The following CDON variants were observed in gnomAD, a reference collection of about 807,000 sequenced individuals.
CDON encodes the protein cell adhesion associated, oncogene regulated.
Under a neutral mutation model 120.9 loss-of-function variants are expected in CDON, and 73 were observed. That is an observed-to-expected ratio of 0.60 (90% CI 0.50 to 0.73). The LOEUF is 0.73. CDON is among the 30% of genes least tolerant of loss of function. The probability of loss-of-function intolerance (pLI) is 0.00; values close to 1 mark genes in which losing one functional copy is unlikely to be tolerated. For synonymous variants in CDON, 566 were observed against 573.5 expected (o/e 0.99, Z 0.19); for missense variants, 1,470 against 1,587.3 (o/e 0.93, Z 1.26).
At chr11:125,972,752 A>G (rs1946038207) in intron 18 of CDON, among the ~76,000 whole-genome samples, 1 of 152,216 alleles carries the variant, frequency 6.6e-6, no homozygotes, top group Non-Finnish European at 1.5e-5. Context: ...GAGAAAAAAG[A>G]ACCTGGAGTG....
At chr11:126,005,215 C>A (rs1315487) in intron 9 of CDON, among the ~76,000 whole-genome samples, 1 of 151,580 alleles carries the variant, frequency 6.6e-6, no homozygotes, top group Admixed American at 6.6e-5. Context: ...GGCACGAGAA[C>A]TGCTGGAACC....
chr11:126,043,834 T>C (rs1453619800), intron 1 of CDON, among the ~76,000 whole-genome samples: 5 of 152,190 alleles, frequency 3.3e-5, no homozygotes, highest in African/African-American at 7.2e-5. Context: ...TATTCTAATC[T>C]GCGGATGGAT....
Position 126,019,712 on chromosome 11 carries a change from T to C in CDON, c.403A>G (p.Ser135Gly), listed in dbSNP as rs1012904303. 6.2e-7 allele frequency: 1 copy of C among 1,614,058 alleles called. No homozygotes were observed. Residue 135 changes from serine (S) to glycine (G), a missense_variant, in exon 4 of 20, where the codon AGT (serine) becomes GGT (glycine). By Grantham distance (56) the Ser-to-Gly change is moderately conservative. Transcript: ENST00000531738. ...ACCCTGCAGCCAATGAAACCAGCAC[T>C]TTTTTCTTCTGCTGTAATAACATGC... is the stretch of plus-strand genomic sequence containing the variant. ...TKHVITAEEKSAGFIGCRVPE... is the reference protein window; with the variant it reads ...TKHVITAEEKGAGFIGCRVPE...
intron 1 of CDON, among the ~76,000 whole-genome samples, chr11:126,040,246 C>A (rs1565548449): frequency 6.6e-6 from 1 of 152,112 alleles, no homozygotes; most frequent in African/African-American, 2.4e-5. Context: ...TAAAAAATAA[C>A]TTTTTAAAAA....
At chr11:126,006,180 C>T (rs545911774) in intron 8 of CDON, 123 bp from the exon 9 acceptor site, 17 of 801,992 alleles carry the variant, frequency 2.1e-5, no homozygotes, top group South Asian at 7.1e-5. Flanking sequence ...GAAGTTAAAA[C>T]GGGTAACACT....
At chr11:126,018,065 A>T (rs563189168) in intron 5 of CDON, among the ~76,000 whole-genome samples, 1 of 152,166 alleles carries the variant, frequency 6.6e-6, no homozygotes, top group East Asian at 1.9e-4. Flanking sequence ...ACACCCAGCT[A>T]ATTTTTGTAT....
chr11:125,981,373 C>T (rs762375865), intron 16 of CDON, 44 bp from the exon 17 acceptor site: 175 of 1,529,214 alleles, frequency 1.1e-4, no homozygotes, highest in Middle Eastern at 7.2e-4. Context: ...CACACACACA[C>T]GCACGCACAC....
intron 14 of CDON, among the ~76,000 whole-genome samples, chr11:125,991,689 T>C (rs1477826986): frequency 6.6e-6 from 1 of 152,000 alleles, no homozygotes; most frequent in Non-Finnish European, 1.5e-5. Context: ...AAAGGATGAA[T>C]ACTTCTGTTC....
At chr11:126,029,077 C>A in intron 1 of CDON, among the ~76,000 whole-genome samples, 1 of 152,088 alleles carries the variant, frequency 6.6e-6, no homozygotes, top group East Asian at 1.9e-4. Context: ...AAGGTAACTC[C>A]CCATCACTGA....
intron 14 of CDON, among the ~76,000 whole-genome samples, chr11:125,990,197 C>T (rs1020799671): frequency 6.6e-6 from 1 of 152,308 alleles, no homozygotes; most frequent in African/African-American, 2.4e-5. Flanking sequence ...GAGCAACTGA[C>T]CAGTTACAAG....
chr11:126,036,101 G>A (rs921466848), intron 1 of CDON, among the ~76,000 whole-genome samples: 3 of 152,012 alleles, frequency 2.0e-5, no homozygotes, highest in Admixed American at 1.3e-4. Context: ...AAACACAGCC[G>A]CAGATAGACC....
chr11:126,021,217 C>A, intron 3 of CDON, 31 bp downstream of exon 3: 1 of 1,611,632 alleles, frequency 6.2e-7, no homozygotes, highest in Non-Finnish European at 8.5e-7. Flanking sequence ...TCAAGAAAAC[C>A]CATACCTAAC....
In CDON at chr11:125,997,314, G is replaced by A; in HGVS notation, c.2255C>T (p.Thr752Ile). The change falls in exon 12 of 20, where the codon ACT becomes ATT. Residue 752 changes from threonine (T) to isoleucine (I), a missense_variant. Physicochemically the swap from Thr to Ile is moderately conservative, Grantham distance 89. Transcript: ENST00000531738. ...IPRANGGSPI[T>I]AFKVEYKRMR... Reference sequence around the variant, plus strand: ...CCGTTTATATTCGACTTTGAAGGCAGTGATTGGAGAACCCCCGTTTGCCCG... The same window carrying A: ...CCGTTTATATTCGACTTTGAAGGCAATGATTGGAGAACCCCCGTTTGCCCG... 6.2e-7 allele frequency: 1 copy of A among 1,614,010 alleles called. No individual in the cohort carries two copies.
intron 5 of CDON, 80 bp downstream of exon 5, chr11:126,018,250 A>C (rs1162492102): frequency 7.0e-7 from 1 of 1,426,574 alleles, no homozygotes; most frequent in Non-Finnish European, 9.9e-7. Flanking sequence ...CAGGATTTGA[A>C]AAAAAAATGA....
chr11:125,990,224 C>T (rs1946596840), intron 14 of CDON, among the ~76,000 whole-genome samples: 1 of 152,182 alleles, frequency 6.6e-6, no homozygotes, highest in Admixed American at 6.5e-5. Flanking sequence ...CTTAGCAAAG[C>T]TCCCAATTCC....
chr11:125,993,394 T>TGCGCGCGC (rs1565510945), intron 14 of CDON, among the ~76,000 whole-genome samples: 3 of 39,172 alleles, frequency 7.7e-5, no homozygotes, highest in African/African-American at 3.9e-4. Context: ...CGCGCGTGCG[T>TGCGCGCGC]GCACACACAC....
chr11:125,967,255 C>T (rs149042364), intron 18 of CDON, among the ~76,000 whole-genome samples: 2 of 152,300 alleles, frequency 1.3e-5, no homozygotes, highest in Admixed American at 6.5e-5. Flanking sequence ...AGTCCTAATT[C>T]ACATTAAACT....
At chr11:125,997,656 C>A (rs1286510223) in intron 11 of CDON, among the ~76,000 whole-genome samples, 1 of 152,116 alleles carries the variant, frequency 6.6e-6, no homozygotes, top group African/African-American at 2.4e-5. Flanking sequence ...TGAAAGCTAA[C>A]AAGTATGATC....
In CDON at chr11:125,959,666, T is replaced by C. The variant is rs550011064; in HGVS notation, c.*1276A>G. On this transcript the variant is annotated 3_prime_UTR_variant, in exon 20 of 20. Transcript: ENST00000531738. ...CCCTTTTCTTCCAAAGTAAGTCTTTTCTGACACTCACCCCTGCAGGCCGTT... is the reference window on the plus strand; with the variant it reads ...CCCTTTTCTTCCAAAGTAAGTCTTTCCTGACACTCACCCCTGCAGGCCGTT... 1 of 152,332 alleles carries C rather than the reference T, an allele frequency of 6.6e-6. No individual in the cohort carries two copies. Among genetic ancestry groups the C allele is most frequent in the African/African-American group, 2.4e-5 (1 of 41,572 alleles). 9.4% of individuals were successfully genotyped at this position (152,332 alleles called of 1,614,324 possible). A position where few individuals can be genotyped will look rare whatever the true frequency, so the allele number is the denominator to read the frequency against.
Sources: allele counts gnomAD v4.1 joint callset (sites outside exome capture counted in the v4.1 genomes callset), GRCh38; gene constraint gnomAD v4.1.1; transcripts MANE v1.5; gene names NCBI Gene and HGNC (gene_info 2026-07-23, HGNC 2026-07-21).